The following SLC9B1 variants were observed in gnomAD, a reference collection of about 807,000 sequenced individuals.
The protein encoded by SLC9B1 is solute carrier family 9 member B1.
In SLC9B1, 32 loss-of-function variants were observed where a neutral mutation model predicts 51.7. The observed-to-expected ratio is 0.62, with a 90% CI of 0.47 to 0.83. The LOEUF (loss-of-function observed/expected upper bound fraction) is 0.83. Among genes scored for constraint, SLC9B1 ranks in the 40% least tolerant of loss-of-function variants. SLC9B1 has a pLI of 0.00. For missense variants in SLC9B1, 406 were observed against 613.2 expected (o/e 0.66, Z 3.57); for synonymous variants, 145 against 212.7 (o/e 0.68, Z 2.77).
intron 7 of SLC9B1, among the ~76,000 whole-genome samples, chr4:102,913,964 T>C (rs1735468033): frequency 6.6e-6 from 1 of 152,100 alleles, no homozygotes; most frequent in Non-Finnish European, 1.5e-5. Flanking sequence ...GACAGGGGAA[T>C]TGCAATGGAG....
chr4:102,933,246 C>T (rs201860888), intron 6 of SLC9B1, among the ~76,000 whole-genome samples: 194 of 147,960 alleles, frequency 1.3e-3, no homozygotes, highest in Non-Finnish European at 2.2e-3. Flanking sequence ...GGTTGTGCAC[C>T]CCTCTACTTT....
At chr4:102,922,553 G>A (rs747587818) in intron 7 of SLC9B1, among the ~76,000 whole-genome samples, 3 of 150,858 alleles carry the variant, frequency 2.0e-5, no homozygotes, top group African/African-American at 4.9e-5. Flanking sequence ...CAAAAAATAA[G>A]ATCAGAGCAG....
intron 6 of SLC9B1, among the ~76,000 whole-genome samples, chr4:102,936,506 T>TTTGA (rs1481408454): frequency 6.6e-6 from 1 of 152,158 alleles, no homozygotes. Context: ...ATCTAAGGAA[T>TTTGA]CCAATAAGAT....
intron 7 of SLC9B1, among the ~76,000 whole-genome samples, chr4:102,919,113 G>A (rs918078819): frequency 2.0e-5 from 3 of 152,150 alleles, no homozygotes; most frequent in Admixed American, 1.3e-4. Context: ...ACCCTGTGAC[G>A]GGAGGGGCTG....
At chr4:102,888,722 C>CAA (rs1242777839) in intron 11 of SLC9B1, 1 of 152,302 alleles carries the variant, frequency 6.6e-6, no homozygotes, top group East Asian at 1.9e-4. Context: ...GGCTGCAGTA[C>CAA]AAGAGCCCAG....
At chr4:103,012,543 C>T (rs1209790278) in intron 1 of SLC9B1, among the ~76,000 whole-genome samples, 1 of 152,196 alleles carries the variant, frequency 6.6e-6, no homozygotes, top group Non-Finnish European at 1.5e-5. Flanking sequence ...ACTGTTCTAG[C>T]TTTTATTCAC....
At position 102,983,935 on chromosome 4, in the gene SLC9B1, G is replaced by T. The variant is rs559300378; in HGVS notation, c.211+5865C>A. Among the ~76,000 whole-genome samples, 3 of 151,528 alleles carry T rather than the reference G, an allele frequency of 2.0e-5. No individual in the cohort carries two copies. In the South Asian group the frequency reaches 6.3e-4, roughly 32 times the overall value. On this transcript the variant is annotated intron_variant, in intron 3 of 11. Coordinates refer to ENST00000296422, the MANE Select transcript of SLC9B1 (RefSeq NM_139173.4). ...CTTCTGCTTACTTTGAACTCAATTA[G>T]CTCTTTTCTTTCTAGCTTCCTGAGG...
chr4:102,990,055 A>T, intron 2 of SLC9B1, 114 bp from the exon 3 acceptor site: 2 of 836,868 alleles, frequency 2.4e-6, no homozygotes, highest in Non-Finnish European at 3.6e-6. Context: ...AATGCGAGGA[A>T]TCACAGATAC....
intron 6 of SLC9B1, among the ~76,000 whole-genome samples, chr4:102,936,036 T>C (rs1188317586): frequency 1.3e-5 from 2 of 152,192 alleles, no homozygotes; most frequent in African/African-American, 2.4e-5. Flanking sequence ...CAGAGTGTTG[T>C]TGCCAGTGGA....
intron 3 of SLC9B1, among the ~76,000 whole-genome samples, chr4:102,977,610 C>A (rs191476242): frequency 8.5e-5 from 13 of 152,210 alleles, no homozygotes; most frequent in Admixed American, 5.9e-4. Flanking sequence ...TTTGGGAATA[C>A]TTTAATTATG....
intron 9 of SLC9B1, among the ~76,000 whole-genome samples, chr4:102,909,293 T>C (rs1735219695): frequency 9.5e-6 from 1 of 105,174 alleles, no homozygotes; most frequent in Non-Finnish European, 1.9e-5. Flanking sequence ...AGAGACTCTG[T>C]CTCAAAAAAA....
At chr4:103,009,273 C>T (rs1200015667) in intron 1 of SLC9B1, among the ~76,000 whole-genome samples, 3 of 152,206 alleles carry the variant, frequency 2.0e-5, no homozygotes, top group Non-Finnish European at 4.4e-5. Context: ...ATACACAATA[C>T]TATGGGTTTA....
rs1736500337 is a variant in SLC9B1, at chr4:102,932,315, A to C, written c.654-16T>G. 6.2e-7 allele frequency: 1 copy of C among 1,605,276 alleles called. No homozygotes were observed. The highest frequency in any genetic ancestry group is 8.5e-7 in the Non-Finnish European group (1 of 1,175,746). ...TAGAACAAAACTGAAAGAAAGAATG[A>C]AAATTAATTTAAAAGCATCTTTTAA... On this transcript the variant is annotated splice_polypyrimidine_tract_variant and intron_variant, in intron 6 of 11. Transcript: ENST00000296422.
intron 1 of SLC9B1, among the ~76,000 whole-genome samples, chr4:103,003,239 C>T (rs888519001): frequency 6.6e-6 from 1 of 152,200 alleles, no homozygotes; most frequent in African/African-American, 2.4e-5. Context: ...CTTCTATCAT[C>T]TGAAATGCTC....
intron 7 of SLC9B1, among the ~76,000 whole-genome samples, chr4:102,930,619 G>T (rs6817160): frequency 0.54 from 82,149 of 151,260 alleles, 22,785 homozygotes; most frequent in African/African-American, 0.68. Flanking sequence ...TGGTTGGCCA[G>T]GCTGGTCTTG....
At chr4:102,938,555 C>A (rs1485192032) in intron 6 of SLC9B1, among the ~76,000 whole-genome samples, 1 of 152,138 alleles carries the variant, frequency 6.6e-6, no homozygotes, top group Middle Eastern at 3.2e-3. Flanking sequence ...CTCCACCCAA[C>A]AACAACAGAA....
At chr4:102,945,767 T>C (rs1422917894) in intron 5 of SLC9B1, among the ~76,000 whole-genome samples, 1 of 152,128 alleles carries the variant, frequency 6.6e-6, no homozygotes, top group African/African-American at 2.4e-5. Flanking sequence ...TTTTCAATGT[T>C]CTCCTTGGTT....
At chr4:102,933,664 G>T (rs1248102827) in intron 6 of SLC9B1, among the ~76,000 whole-genome samples, 2 of 152,158 alleles carry the variant, frequency 1.3e-5, no homozygotes, top group African/African-American at 4.8e-5. Flanking sequence ...GCAGGCTTCA[G>T]TTTTTTCCAA....
chr4:102,955,826 GAAGA>G (rs1238221704), intron 3 of SLC9B1, among the ~76,000 whole-genome samples: 1 of 139,880 alleles, frequency 7.1e-6, no homozygotes, highest in Non-Finnish European at 1.5e-5. Flanking sequence ...AAACAAAGTG[GAAGA>G]AAGAAAGAGA....
Sources: allele counts gnomAD v4.1 joint callset (sites outside exome capture counted in the v4.1 genomes callset), GRCh38; gene constraint gnomAD v4.1.1; transcripts MANE v1.5; gene names NCBI Gene and HGNC (gene_info 2026-07-23, HGNC 2026-07-21).